PPIP5K2: variants seen among roughly 807,000 people sequenced by gnomAD.
The protein encoded by PPIP5K2 is inositol hexakisphosphate and diphosphoinositol-pentakisphosphate kinase 2.
PPIP5K2 carries 105 observed loss-of-function variants against 154.6 expected under a neutral mutation model. That is an observed-to-expected ratio of 0.68 (90% confidence interval 0.58 to 0.80). PPIP5K2 has a LOEUF of 0.80. PPIP5K2 is among the 30% of genes least tolerant of loss of function. The pLI is 0.00. For missense variants in PPIP5K2, 992 were observed against 1,504.6 expected, an observed-to-expected ratio of 0.66 and a Z score of 5.64; for synonymous variants, 480 against 490.3, an observed-to-expected ratio of 0.98 and a Z score of 0.28.
At chr5:103,143,449 A>T (rs750032083) in intron 5 of PPIP5K2, among the ~76,000 whole-genome samples, 20 of 152,224 alleles carry the variant, frequency 1.3e-4, no homozygotes, top group Non-Finnish European at 2.1e-4. Context: ...AGACTCCAGA[A>T]GTGCTGGGGA....
chr5:103,164,540 A>G (rs1796845268), intron 17 of PPIP5K2, among the ~76,000 whole-genome samples: 1 of 152,002 alleles, frequency 6.6e-6, no homozygotes, highest in African/African-American at 2.4e-5. Flanking sequence ...GGAGTCATTT[A>G]TTATATTCAT....
At chr5:103,194,780 C>A in intron 29 of PPIP5K2, 120 bp from the exon 30 acceptor site, 1 of 1,118,100 alleles carries the variant, frequency 8.9e-7, no homozygotes, top group Non-Finnish European at 1.2e-6. Context: ...TTACCTTGAC[C>A]ATTTTCTTCT....
chr5:103,166,589 A>G (rs1265422422), intron 17 of PPIP5K2, among the ~76,000 whole-genome samples: 1 of 151,984 alleles, frequency 6.6e-6, no homozygotes, highest in Non-Finnish European at 1.5e-5. Flanking sequence ...AAGTGTCTTG[A>G]CCCTGACAGA....
At chr5:103,123,409 T>C (rs893617576) in intron 1 of PPIP5K2, among the ~76,000 whole-genome samples, 7 of 152,170 alleles carry the variant, frequency 4.6e-5, no homozygotes, top group Non-Finnish European at 8.8e-5. Context: ...CTTGGAACTT[T>C]TGGAAAGGCA....
Position 103,207,977 on chromosome 5 carries a change from ATTTC to A in PPIP5K2, c.*6349_*6352del, listed in dbSNP as rs1803606183. On this transcript the variant is annotated 3_prime_UTR_variant, in exon 31 of 31. Transcript: ENST00000358359. ...TATTACTTACCTTTATATGAGATAA[ATTTC>A]TTTCTGGCTCATCTATTTGATACAA... 6.6e-6 allele frequency: 1 copy of A among 151,366 alleles called. No homozygotes were observed. The highest frequency in any genetic ancestry group is 1.5e-5 in the Non-Finnish European group (1 of 67,888). The allele number at this position is 151,366 out of a possible 1,614,324, so 9.4% of individuals were successfully genotyped here.
intron 17 of PPIP5K2, among the ~76,000 whole-genome samples, chr5:103,164,524 T>C (rs1317040738): frequency 6.6e-6 from 1 of 152,116 alleles, no homozygotes; most frequent in Non-Finnish European, 1.5e-5. Context: ...ATGCACTCTT[T>C]TGACTGGAGT....
At chr5:103,188,535 TC>T (rs782495242) in intron 28 of PPIP5K2, 1 of 152,168 alleles carries the variant, frequency 6.6e-6, no homozygotes, top group Non-Finnish European at 1.5e-5. Flanking sequence ...TGCTTTCCCT[TC>T]ATTGTAGCTA....
intron 14 of PPIP5K2, among the ~76,000 whole-genome samples, chr5:103,156,503 A>C (rs2149596110): frequency 6.6e-6 from 1 of 152,302 alleles, no homozygotes; most frequent in African/African-American, 2.4e-5. Flanking sequence ...TACCTTACAA[A>C]AGAAAAGGGT....
chr5:103,178,493 C>T (rs1187172764), intron 23 of PPIP5K2, among the ~76,000 whole-genome samples: 2 of 151,672 alleles, frequency 1.3e-5, no homozygotes, highest in African/African-American at 4.8e-5. Context: ...ATTATTATAG[C>T]TTTATAATAA....
chr5:103,190,458 CAT>C (rs1215606079), intron 28 of PPIP5K2, among the ~76,000 whole-genome samples: 4 of 151,940 alleles, frequency 2.6e-5, no homozygotes, highest in Non-Finnish European at 5.9e-5. Context: ...AGCGTCCTGG[CAT>C]CAGGGATACA....
chr5:103,145,370 A>G (rs1421497530), intron 5 of PPIP5K2, among the ~76,000 whole-genome samples: 5 of 152,152 alleles, frequency 3.3e-5, no homozygotes, highest in South Asian at 2.1e-4. Flanking sequence ...TAGAGCTACC[A>G]TATGATCTTG....
rs1327005552 is a variant in PPIP5K2 at position 103,194,997 on chromosome 5, A to G, written c.3591A>G (p.Leu1197=). 1.2e-6 allele frequency: 2 copies of G among 1,613,726 alleles called. No individual in the cohort carries two copies. Among genetic ancestry groups the G allele is most frequent in the East Asian group, 2.2e-5 (1 of 44,846 alleles). The change falls in exon 30 of 31, where the codon TTA becomes TTG. Residue 1197 remains leucine, a synonymous_variant. Transcript: ENST00000358359. ...TCCTCCCAACACCACCAGCTACCTT[A>G]AAGAGCACTAAAGCAAGCAGCAAAC... is the stretch of plus-strand genomic sequence containing the variant. ...AKILPTPPAT[L]KSTKASSKPA...
At chr5:103,164,674 A>G (rs544483905) in intron 17 of PPIP5K2, among the ~76,000 whole-genome samples, 8 of 152,180 alleles carry the variant, frequency 5.3e-5, no homozygotes, top group South Asian at 4.1e-4. Flanking sequence ...TCCTTAAAGC[A>G]TACATATAGA....
intron 5 of PPIP5K2, among the ~76,000 whole-genome samples, chr5:103,145,782 CAGAT>C (rs1459472774): frequency 1.1e-4 from 16 of 151,550 alleles, no homozygotes; most frequent in African/African-American, 3.9e-4. Context: ...TATAGCAACA[CAGAT>C]AGAATAAATA....
At chr5:103,139,509 T>C (rs962132421) in intron 5 of PPIP5K2, among the ~76,000 whole-genome samples, 33 of 152,194 alleles carry the variant, frequency 2.2e-4, no homozygotes, top group African/African-American at 7.5e-4. Flanking sequence ...GCTTAGATCA[T>C]AACACTTAGT....
intron 1 of PPIP5K2, among the ~76,000 whole-genome samples, chr5:103,126,087 G>A (rs1400524577): frequency 6.6e-6 from 1 of 152,034 alleles, no homozygotes; most frequent in Non-Finnish European, 1.5e-5. Context: ...CTTTATACTT[G>A]ATGTTTCTTA....
intron 19 of PPIP5K2, among the ~76,000 whole-genome samples, 196 bp from the exon 20 acceptor site, chr5:103,172,959 C>G (rs1366754461): frequency 5.9e-5 from 9 of 151,840 alleles, no homozygotes; most frequent in African/African-American, 2.2e-4. Flanking sequence ...AGTTCCACCA[C>G]AAAATCCTTC....
chr5:103,181,916 G>A (rs781797937), intron 24 of PPIP5K2, among the ~76,000 whole-genome samples: 2 of 151,990 alleles, frequency 1.3e-5, no homozygotes, highest in African/African-American at 4.8e-5. Context: ...TCATATAGTC[G>A]TTAAGGTTCC....
chr5:103,140,575 C>T (rs551237813), intron 5 of PPIP5K2, among the ~76,000 whole-genome samples: 209 of 152,238 alleles, frequency 1.4e-3, no homozygotes, highest in African/African-American at 4.7e-3. Context: ...TCAGGCCGGG[C>T]GCGGTGGCTC....
Sources: gnomAD v4.1 joint callset for allele counts (sites outside exome capture counted in the v4.1 genomes callset) on GRCh38, gnomAD v4.1.1 for gene constraint, MANE v1.5 for transcripts, NCBI Gene and HGNC (gene_info 2026-07-23, HGNC 2026-07-21) for gene names.